The following TCEA1 variants were observed in gnomAD, a reference collection of about 807,000 sequenced individuals.
TCEA1 encodes the protein transcription elongation factor A protein 1.
A neutral mutation model predicts 43.8 loss-of-function variants in TCEA1; 21 were observed. The observed-to-expected ratio is 0.48, with a 90% CI of 0.34 to 0.69. The LOEUF (loss-of-function observed/expected upper bound fraction) is 0.69. TCEA1 is among the 30% of genes least tolerant of loss of function. The probability of loss-of-function intolerance (pLI) is 0.01; values close to 1 mark genes in which losing one functional copy is unlikely to be tolerated. For synonymous variants in TCEA1, 104 were observed against 117.5 expected, an observed-to-expected ratio of 0.88 and a Z score of 0.75; for missense variants, 250 against 365.1, an observed-to-expected ratio of 0.68 and a Z score of 2.57.
chr8:53,972,907 T>C (rs906332226), intron 8 of TCEA1: 4 of 681,468 alleles, frequency 5.9e-6, no homozygotes, highest in East Asian at 2.8e-5. Context: ...CCGAAGGACG[T>C]AGCCTCAGAG....
At position 53,967,462 on chromosome 8, in the gene TCEA1, A is replaced by G. The variant is rs1404368975; in HGVS notation, c.*642T>C. ...AATAAAGTCTTGTTTCCAAAAATCT[A>G]TTAAGAACAAGTAATATACATGTAC... On this transcript the variant is annotated 3_prime_UTR_variant, in exon 10 of 10. Transcript: ENST00000521604. 5.1e-6 allele frequency: 1 copy of G among 197,762 alleles called. No individual in the cohort carries two copies. Among genetic ancestry groups the G allele is most frequent in the African/African-American group, 2.3e-5 (1 of 43,450 alleles). The allele number at this position is 197,762 out of a possible 1,614,324, so 12.3% of individuals were successfully genotyped here.
At chr8:53,970,939 G>C (rs1429389957) in intron 8 of TCEA1, among the ~76,000 whole-genome samples, 2 of 152,174 alleles carry the variant, frequency 1.3e-5, no homozygotes, top group East Asian at 1.9e-4. Flanking sequence ...AGGCAGCATT[G>C]TCTGTAACCT....
intron 8 of TCEA1, chr8:53,973,838 C>G: frequency 2.6e-6 from 1 of 377,750 alleles, no homozygotes; most frequent in South Asian, 2.8e-5. Flanking sequence ...AGGAGAAAGC[C>G]TGGCAAAGAG....
chr8:53,986,106 AT>A (rs375185348), intron 6 of TCEA1, among the ~76,000 whole-genome samples: 3 of 152,234 alleles, frequency 2.0e-5, no homozygotes, highest in African/African-American at 7.2e-5. Context: ...ACTTAAAACA[AT>A]TATGACCACT....
At chr8:53,972,667 T>C (rs985590935) in intron 8 of TCEA1, 5 of 624,826 alleles carry the variant, frequency 8.0e-6, no homozygotes, top group Admixed American at 5.5e-5. Flanking sequence ...TGAGGATCAG[T>C]AGAGCTATTA....
chr8:54,003,610 T>C (rs1282916840), intron 2 of TCEA1, among the ~76,000 whole-genome samples: 2 of 152,142 alleles, frequency 1.3e-5, no homozygotes, highest in African/African-American at 2.4e-5. Flanking sequence ...ATATTCTTTT[T>C]AACAAATGGT....
At chr8:54,000,173 T>C in intron 2 of TCEA1, 123 bp from the exon 3 acceptor site, 1 of 633,394 alleles carries the variant, frequency 1.6e-6, no homozygotes, top group Non-Finnish European at 2.7e-6. Flanking sequence ...ACTTCAATTT[T>C]TGGATCCTTA....
At chr8:53,975,933 A>C (rs1016487364) in intron 8 of TCEA1, among the ~76,000 whole-genome samples, 6 of 152,226 alleles carry the variant, frequency 3.9e-5, no homozygotes, top group African/African-American at 1.4e-4. Flanking sequence ...TAAAAAGAGA[A>C]CTCAGCAAGA....
chr8:53,978,894 G>C (rs1279539332), intron 8 of TCEA1, 131 bp downstream of exon 8: 11 of 1,118,610 alleles, frequency 9.8e-6, no homozygotes, highest in Non-Finnish European at 1.4e-5. Context: ...CATCCACTCA[G>C]GGTCTTAGAA....
At chr8:53,989,427 CAAG>C (rs1055687495) in intron 4 of TCEA1, among the ~76,000 whole-genome samples, 10 of 152,218 alleles carry the variant, frequency 6.6e-5, no homozygotes, top group Non-Finnish European at 1.3e-4. Flanking sequence ...TGCAATGCTA[CAAG>C]AACATACTCC....
At chr8:53,984,292 T>G in intron 7 of TCEA1, 71 bp downstream of exon 7, 1 of 1,394,948 alleles carries the variant, frequency 7.2e-7, no homozygotes, top group Non-Finnish European at 9.6e-7. Context: ...TAGTAGTCTA[T>G]GATGATAATA....
chr8:53,983,951 T>C (rs1403305574), intron 7 of TCEA1, among the ~76,000 whole-genome samples: 1 of 151,616 alleles, frequency 6.6e-6, no homozygotes, highest in Non-Finnish European at 1.5e-5. Context: ...AATACAAAAA[T>C]TAGCTGGGTG....
At chr8:54,020,927 C>CT (rs1166253501) in intron 1 of TCEA1, among the ~76,000 whole-genome samples, 1 of 152,154 alleles carries the variant, frequency 6.6e-6, no homozygotes, top group Non-Finnish European at 1.5e-5. Context: ...TGGCCTCACG[C>CT]CTGTAATCCC....
chr8:54,009,838 G>A (rs1804593925), intron 2 of TCEA1: 1 of 152,180 alleles, frequency 6.6e-6, no homozygotes, highest in African/African-American at 2.4e-5. Context: ...TCCCAACACA[G>A]AGAAATGATA....
chr8:54,001,606 G>A (rs1804265354), intron 2 of TCEA1, among the ~76,000 whole-genome samples: 2 of 152,148 alleles, frequency 1.3e-5, no homozygotes, highest in South Asian at 4.1e-4. Context: ...TGGTTCTGAA[G>A]CTTAGAACTG....
chr8:53,997,547 C>T (rs1027668561), intron 3 of TCEA1, among the ~76,000 whole-genome samples: 46 of 152,096 alleles, frequency 3.0e-4, no homozygotes, highest in African/African-American at 8.7e-4. Flanking sequence ...GGATGTACAA[C>T]CTGATCTAAT....
intron 1 of TCEA1, among the ~76,000 whole-genome samples, chr8:54,018,561 G>T (rs2129315302): frequency 6.6e-6 from 1 of 152,304 alleles, no homozygotes; most frequent in Middle Eastern, 3.4e-3. Context: ...GAAAAGTTCA[G>T]AAAAGCCAGG....
Position 53,972,079 on chromosome 8 carries a change from A to C in TCEA1, c.826-1616T>G, listed in dbSNP as rs188967563. 4 of 248,296 alleles carry C rather than the reference A, an allele frequency of 1.6e-5. No individual in the cohort carries two copies. The Admixed American group carries it at 2.0e-4, about 13-fold the overall frequency. The allele number at this position is 248,296 out of a possible 1,614,324, so 15.4% of individuals were successfully genotyped here. ...TCTGATGTGAAATCTCCCAAGATCA[A>C]GTGTTCTAAGACAAGAAGAGAAATG... On this transcript the variant is annotated intron_variant, in intron 8 of 9. Coordinates refer to ENST00000521604, the MANE Select transcript of TCEA1 (RefSeq NM_006756.4).
chr8:53,978,743 A>T (rs936480862), intron 8 of TCEA1: 1 of 287,886 alleles, frequency 3.5e-6, no homozygotes, highest in African/African-American at 2.1e-5. Context: ...TCATAACAGT[A>T]TCTTGTTATA....
Sources: gnomAD v4.1 joint callset for allele counts (sites outside exome capture counted in the v4.1 genomes callset) on GRCh38, gnomAD v4.1.1 for gene constraint, MANE v1.5 for transcripts, NCBI Gene and HGNC (gene_info 2026-07-23, HGNC 2026-07-21) for gene names.